INTS2: variants seen among roughly 807,000 people sequenced by gnomAD.
The protein encoded by INTS2 is integrator complex subunit 2.
A neutral mutation model predicts 139.6 loss-of-function variants in INTS2; 57 were observed. The ratio of observed to expected loss-of-function variants is 0.41; its 90% CI spans 0.33 to 0.51. The LOEUF (loss-of-function observed/expected upper bound fraction) is 0.51, where lower values mean the gene tolerates loss of function less well. Among genes scored for constraint, INTS2 ranks in the 20% least tolerant of loss-of-function variants. The probability of loss-of-function intolerance (pLI) is 0.28; values close to 1 mark genes in which losing one functional copy is unlikely to be tolerated. For synonymous variants in INTS2, 473 were observed against 493.4 expected (o/e 0.96, Z 0.55); for missense variants, 1,196 against 1,436.7 (o/e 0.83, Z 2.71).
At chr17:61,887,861 T>G (rs1005311553) in intron 15 of INTS2, among the ~76,000 whole-genome samples, 1 of 151,856 alleles carries the variant, frequency 6.6e-6, no homozygotes, top group South Asian at 2.1e-4. Context: ...GAGACCAGCC[T>G]GGCCAGTATG....
In INTS2 at chr17:61,915,816, TAAAAAAAAAAA is replaced by T. The variant is rs1193639396; in HGVS notation, c.649+3573_649+3583del. Among the ~76,000 whole-genome samples, 537 of 64,194 alleles carry T rather than the reference TAAAAAAAAAAA, an allele frequency of 8.4e-3. 3 individuals carry two copies. Among genetic ancestry groups the T allele is most frequent in the African/African-American group, 0.029 (503 of 17,060 alleles). The allele number at this position is 64,194 out of a possible 152,430, so 42.1% of individuals were successfully genotyped here. On this transcript the variant is annotated intron_variant, in intron 5 of 24. Transcript: ENST00000251334. ...CTGGGCGACAGAGCAAGACTCTGTC[TAAAAAAAAAAA>T]AAAAAAAAAAAAATCATATAAGACA...
Position 61,872,221 on chromosome 17 carries a change from A to C in INTS2, c.2778+44T>G, listed in dbSNP as rs1329587960. On this transcript the variant is annotated intron_variant, in intron 20 of 24. Coordinates refer to ENST00000251334, the MANE Select transcript of INTS2 (RefSeq NM_001351695.2). The surrounding 1 kb of genome is among the most constrained non-coding windows in gnomAD (Gnocchi z 4.8). ...ATTGAACTGATTATACTAGTAGAGA[A>C]GCCCTTGCTCTTTTTGACTAAATTT... The C allele has an allele frequency of 2.9e-6, 4 of 1,398,600 alleles. No individual in the cohort carries two copies. The African/African-American group carries it at 4.2e-5, about 15-fold the overall frequency. 86.6% of individuals were successfully genotyped at this position (1,398,600 alleles called of 1,614,324 possible). A position where few individuals can be genotyped will look rare whatever the true frequency, so the allele number is the denominator to read the frequency against.
chr17:61,877,829 T>C lies in INTS2; in HGVS notation c.2456+58A>G, dbSNP rs183272675. The C allele has an allele frequency of 3.7e-4, 506 of 1,380,346 alleles. 3 individuals are homozygous for C. In the South Asian group the frequency reaches 5.4e-3, roughly 15 times the overall value. 85.5% of individuals were successfully genotyped at this position (1,380,346 alleles called of 1,614,324 possible). On this transcript the variant is annotated intron_variant, in intron 18 of 24. Transcript: ENST00000251334. ...TTTTTAAACAATTAAATTTAGGTTA[T>C]TGTATATTATCCCTGCTATATAATT... is the stretch of plus-strand genomic sequence containing the variant.
chr17:61,870,047 C>A lies in INTS2; in HGVS notation c.2779-59G>T. The A allele has an allele frequency of 6.9e-7, 1 of 1,458,534 alleles. No individual in the cohort carries two copies. The highest frequency in any genetic ancestry group is 9.3e-7 in the Non-Finnish European group (1 of 1,079,800). 90.3% of individuals were successfully genotyped at this position (1,458,534 alleles called of 1,614,324 possible). A position where few individuals can be genotyped will look rare whatever the true frequency, so the allele number is the denominator to read the frequency against. On this transcript the variant is annotated intron_variant, in intron 20 of 24. Transcript: ENST00000251334. This position sits in a 1 kb window ranked among gnomAD's most constrained non-coding sequence, Gnocchi z 4.4. Reference sequence around the variant, plus strand: ...GTTTCTAAGAAGTTAAAAAACAAATCAGATTTTATTTTCACATGAACAGAT... The same window carrying A: ...GTTTCTAAGAAGTTAAAAAACAAATAAGATTTTATTTTCACATGAACAGAT...
At chr17:61,903,944 C>T (rs1030976637) in intron 9 of INTS2, among the ~76,000 whole-genome samples, 1 of 152,008 alleles carries the variant, frequency 6.6e-6, no homozygotes, top group African/African-American at 2.4e-5. Context: ...CATATTATTA[C>T]AGATGTAGCA....
At chr17:61,916,217 G>A (rs1355102256) in intron 5 of INTS2, among the ~76,000 whole-genome samples, 1 of 151,988 alleles carries the variant, frequency 6.6e-6, no homozygotes, top group Non-Finnish European at 1.5e-5. Flanking sequence ...GGCAGACCAC[G>A]AGGTCAGGAG....
chr17:61,893,013 C>CT lies in INTS2; in HGVS notation c.1698+751dup, dbSNP rs2079311741. Among the ~76,000 whole-genome samples the CT allele has an allele frequency of 7.0e-6, 1 of 142,522 alleles. No homozygotes were observed. The highest frequency in any genetic ancestry group is 7.1e-5 in the Admixed American group (1 of 14,062). 93.5% of individuals were successfully genotyped at this position (142,522 alleles called of 152,430 possible). A position where few individuals can be genotyped will look rare whatever the true frequency, so the allele number is the denominator to read the frequency against. ...TGGCTCGCACCTGTAGTTCCAGCTA[C>CT]TTAGGAGGCTGTGGCAGGAGGACTG... is the stretch of plus-strand genomic sequence containing the variant. On this transcript the variant is annotated intron_variant, in intron 13 of 24. Coordinates refer to ENST00000251334, the MANE Select transcript of INTS2 (RefSeq NM_001351695.2). This position sits in a 1 kb window ranked among gnomAD's most constrained non-coding sequence, Gnocchi z 5.4.
At chr17:61,920,036 ACAGTT>A (rs2079622961) in intron 4 of INTS2, among the ~76,000 whole-genome samples, 1 of 152,180 alleles carries the variant, frequency 6.6e-6, no homozygotes, top group Non-Finnish European at 1.5e-5. Flanking sequence ...TATATTAAAA[ACAGTT>A]CAGTTCCTCA....
rs774628069 is a variant in INTS2, at chr17:61,907,451, G to A, written c.1138C>T (p.Leu380Phe). Residue 380 changes from leucine (L) to phenylalanine (F), a missense_variant, in exon 8 of 25, where the codon CTC becomes TTC. Physicochemically the swap from Leu to Phe is conservative, Grantham distance 22. Around this residue, in one of 3 missense-constraint regions of INTS2, gnomAD observed 1,129 missense variants for 1,341.9 expected, o/e 0.84. Coordinates refer to ENST00000251334, the MANE Select transcript of INTS2 (RefSeq NM_001351695.2). ...KEEHVVKASA[L>F]LRLYCALMGI... Reference sequence around the variant, plus strand: ...ATCAAAGCACAGTACAGACGTAAGAGTGCACTGGCTTTCACAACATGCTCT... The same window carrying A: ...ATCAAAGCACAGTACAGACGTAAGAATGCACTGGCTTTCACAACATGCTCT... The A allele has an allele frequency of 1.1e-5, 17 of 1,600,416 alleles. No homozygotes were observed. Among genetic ancestry groups the A allele is most frequent in the Non-Finnish European group, 1.4e-5 (17 of 1,173,656 alleles).
At chr17:61,925,170 T>G in intron 2 of INTS2, 71 bp from the exon 3 acceptor site, 2 of 1,367,986 alleles carry the variant, frequency 1.5e-6, no homozygotes, top group Non-Finnish European at 2.1e-6. Context: ...AAATTATCTT[T>G]TATTGAAATA....
At chr17:61,904,085 C>T (rs1446389552) in intron 9 of INTS2, among the ~76,000 whole-genome samples, 1 of 152,160 alleles carries the variant, frequency 6.6e-6, no homozygotes, top group Non-Finnish European at 1.5e-5. Context: ...CTTATTTAAA[C>T]AATGTACATA....
intron 2 of INTS2, among the ~76,000 whole-genome samples, chr17:61,926,125 TGA>T (rs1414912834): frequency 7.2e-5 from 11 of 152,150 alleles, no homozygotes; most frequent in African/African-American, 2.7e-4. Flanking sequence ...ATTGGCCTAA[TGA>T]GTTTAGCCCA....
chr17:61,917,420 T>C (rs1387017447), intron 5 of INTS2, among the ~76,000 whole-genome samples: 1 of 152,192 alleles, frequency 6.6e-6, no homozygotes, highest in Non-Finnish European at 1.5e-5. Flanking sequence ...AAAATGTACA[T>C]ATATACCATG....
chr17:61,886,509 T>C (rs1219341675), intron 15 of INTS2, among the ~76,000 whole-genome samples: 1 of 152,238 alleles, frequency 6.6e-6, no homozygotes, highest in Non-Finnish European at 1.5e-5. Context: ...ATATCTTCTA[T>C]GGCCCACTTT....
chr17:61,879,147 C>T (rs1276450172), intron 17 of INTS2, among the ~76,000 whole-genome samples: 1 of 142,168 alleles, frequency 7.0e-6, no homozygotes, highest in African/African-American at 2.7e-5. Flanking sequence ...TTTGAATTCC[C>T]GGCCTCAAGT....
chr17:61,915,671 A>T (rs1323917068), intron 5 of INTS2, among the ~76,000 whole-genome samples: 3 of 149,060 alleles, frequency 2.0e-5, no homozygotes, highest in African/African-American at 7.4e-5. Context: ...AAAAAAAAAA[A>T]ATACAAAAAA....
At chr17:61,924,861 G>A (rs749559269) in intron 3 of INTS2, 100 bp downstream of exon 3, 256 of 1,203,102 alleles carry the variant, frequency 2.1e-4, no homozygotes, top group Non-Finnish European at 2.8e-4. Flanking sequence ...GAGTAGAGGA[G>A]AATTCAACCT....
chr17:61,900,283 G>C (rs542111407), intron 9 of INTS2, among the ~76,000 whole-genome samples: 1 of 152,272 alleles, frequency 6.6e-6, no homozygotes, highest in African/African-American at 2.4e-5. Flanking sequence ...AAAATTAAGA[G>C]GTTGACATTC....
intron 18 of INTS2, among the ~76,000 whole-genome samples, chr17:61,877,392 C>G (rs572700308): frequency 2.0e-5 from 3 of 152,234 alleles, no homozygotes; most frequent in South Asian, 2.1e-4. Flanking sequence ...ATCTATGAAC[C>G]AGCAGAGACC....
Sources: gnomAD v4.1 joint callset for allele counts (sites outside exome capture counted in the v4.1 genomes callset) on GRCh38, gnomAD v4.1.1 for gene constraint, gnomAD v4.1.1 regional missense constraint, Gnocchi (gnomAD v3.1) non-coding constraint, MANE v1.5 for transcripts, NCBI Gene and HGNC (gene_info 2026-07-23, HGNC 2026-07-21) for gene names.